The following TRIM36 variants were observed in gnomAD, a reference collection of about 807,000 sequenced individuals.
TRIM36 encodes the protein E3 ubiquitin-protein ligase TRIM36.
Under a neutral mutation model 72.4 loss-of-function variants are expected in TRIM36, and 42 were observed. The observed-to-expected ratio is 0.58, with a 90% confidence interval of 0.45 to 0.75. TRIM36 has a LOEUF of 0.75. Among genes scored for constraint, TRIM36 ranks in the 30% least tolerant of loss-of-function variants. TRIM36 has a pLI of 0.00. For synonymous variants in TRIM36, 315 were observed against 282.8 expected (o/e 1.11, Z -1.14); for missense variants, 913 against 857.1 (o/e 1.07, Z -0.81).
chr5:115,146,927 T>C (rs1337197300), intron 3 of TRIM36, 142 bp downstream of exon 3: 5 of 897,274 alleles, frequency 5.6e-6, no homozygotes, highest in Non-Finnish European at 8.2e-6. Context: ...CAACTAGGCC[T>C]TAAGTTCTTA....
At chr5:115,144,485 T>A (rs1007406377) in intron 4 of TRIM36, 113 bp downstream of exon 4, 1 of 1,295,498 alleles carries the variant, frequency 7.7e-7, no homozygotes, top group African/African-American at 1.5e-5. Flanking sequence ...ACACTTTAAC[T>A]CATTTTAGTA....
Position 115,147,072 on chromosome 5 carries a change from G to C in TRIM36, c.585C>G (p.Pro195=). 1 of 1,605,288 alleles carries C rather than the reference G, an allele frequency of 6.2e-7. No individual in the cohort carries two copies. The highest frequency in any genetic ancestry group is 8.5e-7 in the Non-Finnish European group (1 of 1,173,994). ...ACTTAATAAAAACTTCACTTACCTT[G>C]GGTCTGAAGTTAGTAGTTGGACCAA... ...EYVGPTTNFR[P]KILMCPEHET... The change falls in exon 3 of 10, where the codon CCC becomes CCG. Residue 195 remains proline (P), a synonymous_variant. Coordinates refer to ENST00000513154, the MANE Select transcript of TRIM36 (RefSeq NM_001300759.2).
chr5:115,173,747 G>A (rs1295593501), upstream of TRIM36, among the ~76,000 whole-genome samples: 1 of 152,050 alleles, frequency 6.6e-6, no homozygotes, highest in Non-Finnish European at 1.5e-5. Flanking sequence ...CTGTCCCTTG[G>A]TGCCTATTCC....
intron 5 of TRIM36, among the ~76,000 whole-genome samples, chr5:115,140,447 G>A (rs1561426862): frequency 1.3e-5 from 2 of 152,122 alleles, no homozygotes; most frequent in Non-Finnish European, 2.9e-5. Flanking sequence ...ATGGAAAAAT[G>A]TACATGTAAG....
chr5:115,167,646 A>G (rs566847759), intron 1 of TRIM36, among the ~76,000 whole-genome samples: 1 of 152,338 alleles, frequency 6.6e-6, no homozygotes, highest in East Asian at 1.9e-4. Context: ...CCACTAGCAG[A>G]ATTTTGGTCA....
chr5:115,179,908 C>A, intron 1 of TRIM36: 1 of 1,451,082 alleles, frequency 6.9e-7, no homozygotes, highest in Non-Finnish European at 9.4e-7. Flanking sequence ...CGGACGCCCA[C>A]AGTGGCGGGC....
At chr5:115,167,198 G>GAGCT (rs1453861124) in intron 1 of TRIM36, among the ~76,000 whole-genome samples, 3 of 152,092 alleles carry the variant, frequency 2.0e-5, no homozygotes, top group Non-Finnish European at 4.4e-5. Context: ...CAGGGCCCTG[G>GAGCT]GCCCACTCCA....
chr5:115,165,814 C>A (rs1334535761), intron 1 of TRIM36, among the ~76,000 whole-genome samples: 1 of 152,122 alleles, frequency 6.6e-6, no homozygotes, highest in African/African-American at 2.4e-5. Context: ...TCTCTTCCCC[C>A]ACATGCTCAG....
chr5:115,163,869 T>C, intron 1 of TRIM36, 117 bp from the exon 2 acceptor site: 2 of 912,134 alleles, frequency 2.2e-6, no homozygotes, highest in Non-Finnish European at 3.3e-6. Flanking sequence ...GAAAATGATT[T>C]TCTAAATTTT....
intron 9 of TRIM36, among the ~76,000 whole-genome samples, chr5:115,129,661 G>A (rs569869522): frequency 6.6e-6 from 1 of 152,256 alleles, no homozygotes; most frequent in Admixed American, 6.5e-5. Flanking sequence ...AGAGAAAAAA[G>A]CATGTTTCAT....
At chr5:115,170,167 C>T (rs1466402718), upstream of TRIM36, among the ~76,000 whole-genome samples, 3 of 151,986 alleles carry the variant, frequency 2.0e-5, no homozygotes, top group African/African-American at 7.2e-5. Context: ...GGTAGTCGCC[C>T]GTCGCCCTAT....
chr5:115,155,426 G>C (rs1367196901), intron 2 of TRIM36, among the ~76,000 whole-genome samples: 2 of 152,120 alleles, frequency 1.3e-5, no homozygotes, highest in East Asian at 1.9e-4. Context: ...CAAAATACTA[G>C]CTAACTAAAT....
At chr5:115,157,231 C>G (rs1229085221) in intron 2 of TRIM36, among the ~76,000 whole-genome samples, 1 of 151,350 alleles carries the variant, frequency 6.6e-6, no homozygotes, top group African/African-American at 2.4e-5. Flanking sequence ...TAAACTAGTA[C>G]AGCCACTACA....
intron 2 of TRIM36, among the ~76,000 whole-genome samples, chr5:115,156,438 G>A (rs925436967): frequency 6.6e-6 from 1 of 152,262 alleles, no homozygotes; most frequent in African/African-American, 2.4e-5. Flanking sequence ...CATAGTCACT[G>A]AAACAGTATG....
At chr5:115,163,790 G>A in intron 1 of TRIM36, 38 bp from the exon 2 acceptor site, 6 of 1,501,608 alleles carry the variant, frequency 4.0e-6, no homozygotes, top group Non-Finnish European at 5.5e-6. Context: ...GGCTCTTAGT[G>A]GGTAAATATA....
At chr5:115,178,401 G>A (rs564864388) in intron 1 of TRIM36, among the ~76,000 whole-genome samples, 12 of 152,122 alleles carry the variant, frequency 7.9e-5, no homozygotes, top group Non-Finnish European at 1.3e-4. Context: ...CTGGGCAGTC[G>A]GTGTCCTGCC....
intron 2 of TRIM36, among the ~76,000 whole-genome samples, chr5:115,158,974 G>T (rs1168846199): frequency 6.6e-6 from 1 of 152,198 alleles, no homozygotes; most frequent in African/African-American, 2.4e-5. Context: ...GAAATAGATG[G>T]TGGTATCACC....
intron 1 of TRIM36, 75 bp downstream of exon 1, chr5:115,169,533 C>A: frequency 6.9e-7 from 1 of 1,451,038 alleles, no homozygotes; most frequent in Non-Finnish European, 9.2e-7. Flanking sequence ...TCCGGGCTCC[C>A]GGCGGAGGAA....
intron 2 of TRIM36, among the ~76,000 whole-genome samples, chr5:115,158,212 C>T (rs1561440661): frequency 2.0e-5 from 3 of 152,168 alleles, no homozygotes; most frequent in Non-Finnish European, 2.9e-5. Flanking sequence ...ATACATCAAA[C>T]TGAATCTGTG....
Sources: allele counts gnomAD v4.1 joint callset (sites outside exome capture counted in the v4.1 genomes callset), GRCh38; gene constraint gnomAD v4.1.1; transcripts MANE v1.5; gene names NCBI Gene and HGNC (gene_info 2026-07-23, HGNC 2026-07-21).